Variants in RLF observed in about 807,000 individuals in gnomAD.
RLF encodes the protein RLF zinc finger.
A neutral mutation model predicts 162.9 loss-of-function variants in RLF; 7 were observed. The observed-to-expected ratio is 0.04, with a 90% CI of 0.02 to 0.08. The LOEUF (loss-of-function observed/expected upper bound fraction) is 0.08, where lower values mean the gene tolerates loss of function less well. Among genes scored for constraint, RLF ranks in the 10% least tolerant of loss-of-function variants. RLF has a pLI of 1.00. For synonymous variants in RLF, 782 were observed against 791.5 expected, an observed-to-expected ratio of 0.99 and a Z score of 0.20; for missense variants, 1,664 against 2,244.7, an observed-to-expected ratio of 0.74 and a Z score of 5.23.
At chr1:40,180,095 T>A (rs1045643334) in intron 1 of RLF, among the ~76,000 whole-genome samples, 3 of 152,220 alleles carry the variant, frequency 2.0e-5, no homozygotes, top group African/African-American at 7.2e-5. Context: ...CTTTGGGATG[T>A]GTACACTGAA....
At chr1:40,206,838 G>A (rs1362115628) in intron 5 of RLF, among the ~76,000 whole-genome samples, 3 of 152,108 alleles carry the variant, frequency 2.0e-5, no homozygotes, top group Non-Finnish European at 2.9e-5. Flanking sequence ...AAGATAATTT[G>A]AATGGCTTAC....
rs553658454 is a variant in RLF at position 40,164,573 on chromosome 1, CCAGA to C, written c.237+2941_237+2944del. Reference sequence around the variant, plus strand: ...TTCAGTTCCTTTTCTGAAACCACTGCCAGACAGTGTGGATAAGATTAACTTTAGA... The same window carrying C: ...TTCAGTTCCTTTTCTGAAACCACTGCCAGTGTGGATAAGATTAACTTTAGA... On this transcript the variant is annotated intron_variant, in intron 1 of 7. Coordinates refer to ENST00000372771, the MANE Select transcript of RLF (RefSeq NM_012421.4). Among the ~76,000 whole-genome samples, 23 of 152,258 alleles carry C rather than the reference CCAGA, an allele frequency of 1.5e-4. No homozygotes were observed. In the East Asian group the frequency reaches 4.2e-3, roughly 28 times the overall value.
chr1:40,225,040 A>G (rs751573640), intron 6 of RLF, among the ~76,000 whole-genome samples: 3 of 152,152 alleles, frequency 2.0e-5, no homozygotes, highest in Admixed American at 6.6e-5. Context: ...TTCTGTTCAT[A>G]TGAGATAGAT....
chr1:40,169,649 G>A (rs1023406879), intron 1 of RLF, among the ~76,000 whole-genome samples: 1 of 145,482 alleles, frequency 6.9e-6, no homozygotes, highest in African/African-American at 2.6e-5. Context: ...AAAAAAATAA[G>A]TGCTTCTTGA....
At chr1:40,184,657 G>A (rs2124532599) in intron 1 of RLF, among the ~76,000 whole-genome samples, 1 of 152,288 alleles carries the variant, frequency 6.6e-6, no homozygotes, top group South Asian at 2.1e-4. Flanking sequence ...ATCTGCTTGG[G>A]ATGTGAATGA....
At position 40,240,595 on chromosome 1, in the gene RLF, C is replaced by A; in HGVS notation, c.*148C>A. 1.6e-6 allele frequency: 1 copy of A among 619,540 alleles called. No homozygotes were observed. 38.4% of individuals were successfully genotyped at this position (619,540 alleles called of 1,614,324 possible). A position where few individuals can be genotyped will look rare whatever the true frequency, so the allele number is the denominator to read the frequency against. On this transcript the variant is annotated 3_prime_UTR_variant, in exon 8 of 8. Transcript: ENST00000372771. ...CATGAATGTATAATATCTATGTCAG[C>A]AGTATTGGCTGAGTCCATTAGCTCT...
At chr1:40,225,316 C>T (rs1465967871) in intron 6 of RLF, among the ~76,000 whole-genome samples, 1 of 152,014 alleles carries the variant, frequency 6.6e-6, no homozygotes, top group African/African-American at 2.4e-5. Flanking sequence ...CAGTAGCTCA[C>T]GCCTGTAATC....
chr1:40,162,542 C>T (rs913958546), intron 1 of RLF, among the ~76,000 whole-genome samples: 6 of 152,266 alleles, frequency 3.9e-5, no homozygotes, highest in Middle Eastern at 3.4e-3. Context: ...TTAGAAAATG[C>T]AAAATAATCG....
intron 6 of RLF, 59 bp from the exon 7 acceptor site, chr1:40,231,458 G>A: frequency 2.0e-6 from 3 of 1,529,916 alleles, no homozygotes; most frequent in Non-Finnish European, 1.8e-6. Flanking sequence ...GGTTGCCGGG[G>A]GCAGGGCAGC....
chr1:40,203,428 A>G (rs1016326030), intron 5 of RLF, among the ~76,000 whole-genome samples: 1 of 151,728 alleles, frequency 6.6e-6, no homozygotes, highest in Non-Finnish European at 1.5e-5. Flanking sequence ...CTGTAATCCC[A>G]GGTACTCAGG....
Position 40,239,135 on chromosome 1 carries a change from G to A in RLF, c.4433G>A (p.Arg1478Lys), listed in dbSNP as rs1643256735. 6.2e-7 allele frequency: 1 copy of A among 1,613,982 alleles called. No individual in the cohort carries two copies. Among genetic ancestry groups the A allele is most frequent in the African/African-American group, 1.3e-5 (1 of 74,928 alleles). Reference sequence around the variant, plus strand: ...AAAGACTATTATGATGATTTGTTTAGAAGCCAGAAAGTAGCAAATGAGAGA... The same window carrying A: ...AAAGACTATTATGATGATTTGTTTAAAAGCCAGAAAGTAGCAAATGAGAGA... The part of the protein sequence containing the change: ...RHKDYYDDLF[R>K]SQKVANERLL... The change falls in exon 8 of 8, where the codon AGA (arginine) becomes AAA (lysine). Residue 1478 changes from arginine (R) to lysine (K), a missense_variant. Physicochemically the swap from Arg to Lys is conservative, Grantham distance 26. Around this residue, in one of 15 missense-constraint regions of RLF, gnomAD observed 200 missense variants for 207.3 expected, o/e 0.96. Transcript: ENST00000372771.
At position 40,161,449 on chromosome 1, in the gene RLF, A is replaced by AGGCTCC. The variant is rs1203393284; in HGVS notation, c.54_59dup (p.Pro19_Ala20dup). ...GCCGCTGTCGCCGGGGCTGGGGCTGAGGCTCCGGCGGTAGCGGGAGCCGGA... is the reference window on the plus strand; with the variant it reads ...GCCGCTGTCGCCGGGGCTGGGGCTGAGGCTCCGGCTCCGGCGGTAGCGGGAGCCGGA... On this transcript the variant is annotated inframe_insertion, in exon 1 of 8. Coordinates refer to ENST00000372771, the MANE Select transcript of RLF (RefSeq NM_012421.4). The surrounding 1 kb of genome is among the most constrained non-coding windows in gnomAD (Gnocchi z 4.4). 1 of 1,577,098 alleles carries AGGCTCC rather than the reference A, an allele frequency of 6.3e-7. No individual in the cohort carries two copies. Among genetic ancestry groups the AGGCTCC allele is most frequent in the Non-Finnish European group, 8.6e-7 (1 of 1,163,854 alleles).
At chr1:40,215,572 T>G (rs1045786099) in intron 5 of RLF, among the ~76,000 whole-genome samples, 2 of 151,936 alleles carry the variant, frequency 1.3e-5, no homozygotes, top group Non-Finnish European at 2.9e-5. Flanking sequence ...AGAGTAAGTT[T>G]TTGTTGTATT....
rs763244361 is a variant in RLF, at chr1:40,235,766, A to AT, written c.1090-19dup. 4.2e-5 allele frequency: 61 copies of AT among 1,464,348 alleles called. No individual in the cohort carries two copies. The African/African-American group carries it at 6.8e-4, about 16-fold the overall frequency. The allele number at this position is 1,464,348 out of a possible 1,614,324, so 90.7% of individuals were successfully genotyped here. A position where few individuals can be genotyped will look rare whatever the true frequency, so the allele number is the denominator to read the frequency against. On this transcript the variant is annotated intron_variant, in intron 7 of 7. Transcript: ENST00000372771. ...TAATCTTTCTGTATGCAAAAAAATA[A>AT]TTTTTTTATCCTCTTTTACTTACAG...
At chr1:40,171,348 C>T (rs1428231109) in intron 1 of RLF, among the ~76,000 whole-genome samples, 1 of 152,162 alleles carries the variant, frequency 6.6e-6, no homozygotes, top group Non-Finnish European at 1.5e-5. Flanking sequence ...AGTATTCTTA[C>T]TCCCAAGGAA....
chr1:40,237,302 C>A lies in RLF; in HGVS notation c.2600C>A (p.Pro867His), dbSNP rs78728589. The A allele has an allele frequency of 3.8e-3, 6,102 of 1,613,970 alleles. 105 individuals are homozygous for A. In the East Asian group the frequency reaches 0.041, roughly 11 times the overall value. The change falls in exon 8 of 8, where the codon CCT becomes CAT. Residue 867 changes from proline to histidine, a missense_variant. Physicochemically the swap from Pro to His is moderately conservative, Grantham distance 77. Coordinates refer to ENST00000372771, the MANE Select transcript of RLF (RefSeq NM_012421.4). This position sits in a 1 kb window ranked among gnomAD's most constrained non-coding sequence, Gnocchi z 4.4. ...AACCAAACTGATAAATCACATTTAC[C>A]TGAAGATCTTTTCTGTGCAGAATCA... ...LLNQTDKSHL[P>H]EDLFCAESAN...
At chr1:40,188,793 GAAC>G (rs1642519224) in intron 1 of RLF, among the ~76,000 whole-genome samples, 1 of 152,142 alleles carries the variant, frequency 6.6e-6, no homozygotes, top group Non-Finnish European at 1.5e-5. Flanking sequence ...CCTATAGTGA[GAAC>G]AACTAGACAT....
At chr1:40,179,485 G>A (rs1383926699) in intron 1 of RLF, among the ~76,000 whole-genome samples, 1 of 151,220 alleles carries the variant, frequency 6.6e-6, no homozygotes, top group Non-Finnish European at 1.5e-5. Flanking sequence ...CCTTTTGCAT[G>A]ATCATCCACT....
chr1:40,232,044 C>G (rs1416358029), intron 7 of RLF, among the ~76,000 whole-genome samples: 1 of 151,984 alleles, frequency 6.6e-6, no homozygotes, highest in Non-Finnish European at 1.5e-5. Context: ...CCCGTCTCTA[C>G]TAAAAATACA....
Sources: gnomAD v4.1 joint callset for allele counts (sites outside exome capture counted in the v4.1 genomes callset) on GRCh38, gnomAD v4.1.1 for gene constraint, gnomAD v4.1.1 regional missense constraint, Gnocchi (gnomAD v3.1) non-coding constraint, MANE v1.5 for transcripts, NCBI Gene and HGNC (gene_info 2026-07-23, HGNC 2026-07-21) for gene names.